MAST2: variants seen among roughly 807,000 people sequenced by gnomAD.
MAST2 encodes microtubule associated serine/threonine kinase 2.
In MAST2, 70 loss-of-function variants were observed where a neutral mutation model predicts 147.4. That is an observed-to-expected ratio of 0.47 (90% CI 0.39 to 0.58). MAST2 has a LOEUF of 0.58. Among genes scored for constraint, MAST2 ranks in the 20% least tolerant of loss-of-function variants. The pLI, the probability that MAST2 is intolerant of heterozygous loss-of-function variation, is 0.00. For synonymous variants in MAST2, 869 were observed against 896.8 expected, an observed-to-expected ratio of 0.97 and a Z score of 0.55; for missense variants, 2,080 against 2,302.3, an observed-to-expected ratio of 0.90 and a Z score of 1.98.
Position 46,031,270 on chromosome 1 carries a change from G to A in MAST2, c.2972G>A (p.Arg991Gln), listed in dbSNP as rs56114653. 5,751 of 1,535,692 alleles carry A rather than the reference G, an allele frequency of 3.7e-3. 21 individuals carry two copies. Among genetic ancestry groups the A allele is most frequent in the Non-Finnish European group, 4.7e-3 (5,313 of 1,137,888 alleles). The change falls in exon 23 of 29, where the codon CGG (arginine) becomes CAG (glutamine). Residue 991 changes from arginine to glutamine, a missense_variant. Physicochemically the swap from Arg to Gln is conservative, Grantham distance 43. Around this residue, in one of 4 missense-constraint regions of MAST2, gnomAD observed 1,278 missense variants for 1,304.2 expected, o/e 0.98. Transcript: ENST00000361297. This position sits in a 1 kb window ranked among gnomAD's most constrained non-coding sequence, Gnocchi z 4.1. ...RPKLDEEAVG[R>Q]SSGSSPAMET... is the part of the protein sequence containing the mutation. Reference sequence around the variant, plus strand: ...AAGCTGGATGAGGAAGCTGTTGGCCGGAGCAGTGGTTCCAGTCCAGGTATG... The same window carrying A: ...AAGCTGGATGAGGAAGCTGTTGGCCAGAGCAGTGGTTCCAGTCCAGGTATG...
At chr1:45,976,794 A>C (rs553079407) in intron 5 of MAST2, among the ~76,000 whole-genome samples, 1 of 152,356 alleles carries the variant, frequency 6.6e-6, no homozygotes, top group South Asian at 2.1e-4. Flanking sequence ...TAAGAGATTA[A>C]ATCAGTGGCA....
intron 3 of MAST2, among the ~76,000 whole-genome samples, chr1:45,833,248 G>T (rs953107742): frequency 5.9e-5 from 9 of 151,970 alleles, no homozygotes; most frequent in Non-Finnish European, 1.5e-5. Context: ...TTATCTGAGG[G>T]CTTATTTTTC....
intron 3 of MAST2, among the ~76,000 whole-genome samples, chr1:45,861,010 G>A (rs1645963923): frequency 6.6e-6 from 1 of 152,056 alleles, no homozygotes; most frequent in African/African-American, 2.4e-5. Context: ...CACTAAAATC[G>A]TAACTCTAGG....
At chr1:45,982,212 A>G (rs1039758471) in intron 5 of MAST2, among the ~76,000 whole-genome samples, 1 of 152,192 alleles carries the variant, frequency 6.6e-6, no homozygotes, top group Admixed American at 6.5e-5. Flanking sequence ...TAAAAGTAGC[A>G]CACATTTTTA....
chr1:45,815,769 C>T (rs140595199), intron 1 of MAST2, among the ~76,000 whole-genome samples: 8 of 152,268 alleles, frequency 5.3e-5, no homozygotes, highest in African/African-American at 1.9e-4. Context: ...CCAAGTTCAG[C>T]TGAGGAAAGT....
Position 46,030,133 on chromosome 1 carries a change from C to T in MAST2, c.2448C>T (p.Arg816=), listed in dbSNP as rs775821590. The T allele has an allele frequency of 6.2e-7, 1 of 1,614,224 alleles. No individual in the cohort carries two copies. Among genetic ancestry groups the T allele is most frequent in the South Asian group, 1.1e-5 (1 of 91,082 alleles). The part of the protein sequence containing the change: ...SEDDTSYFDT[R]SERYHHMDSE... ...TGTCCTTTATGTCTGGCCCAGCCCGCTCAGAGCGATACCACCACATGGACT... is the reference window on the plus strand; with the variant it reads ...TGTCCTTTATGTCTGGCCCAGCCCGTTCAGAGCGATACCACCACATGGACT... Residue 816 remains arginine, a synonymous_variant, in exon 21 of 29, where the codon CGC becomes CGT. Coordinates refer to ENST00000361297, the MANE Select transcript of MAST2 (RefSeq NM_015112.3).
intron 4 of MAST2, among the ~76,000 whole-genome samples, chr1:45,887,020 G>T (rs1200191894): frequency 6.6e-6 from 1 of 152,114 alleles, no homozygotes; most frequent in African/African-American, 2.4e-5. Context: ...TAGAGATGGG[G>T]TTTCACTATG....
chr1:45,817,717 C>T (rs1170993527), intron 1 of MAST2, among the ~76,000 whole-genome samples: 1 of 150,754 alleles, frequency 6.6e-6, no homozygotes, highest in Admixed American at 6.6e-5. Flanking sequence ...GTATAAACGA[C>T]TCATATCATG....
intron 4 of MAST2, among the ~76,000 whole-genome samples, chr1:45,933,769 AAGTG>A (rs1009961042): frequency 4.6e-5 from 7 of 152,056 alleles, no homozygotes; most frequent in Admixed American, 3.3e-4. Flanking sequence ...AAAAAAGAGA[AAGTG>A]AGAACTCTGA....
chr1:45,841,952 T>G (rs1454903510), intron 3 of MAST2, among the ~76,000 whole-genome samples: 1 of 152,194 alleles, frequency 6.6e-6, no homozygotes, highest in Non-Finnish European at 1.5e-5. Context: ...GTATAGAAAT[T>G]CTAGTTACTT....
chr1:46,027,319 C>G (rs1029653559), intron 16 of MAST2, among the ~76,000 whole-genome samples: 1 of 152,188 alleles, frequency 6.6e-6, no homozygotes, highest in East Asian at 1.9e-4. Flanking sequence ...TGTGTGCCCC[C>G]TGCCCCTCTC....
Position 45,997,817 on chromosome 1 carries a change from C to T in MAST2, c.668+18C>T. On this transcript the variant is annotated intron_variant, in intron 6 of 28. Coordinates refer to ENST00000361297, the MANE Select transcript of MAST2 (RefSeq NM_015112.3). ...GCCCGTAGGTAAGTTGATAGGAAACCTCCTCTGGGACCAGCACATGTGGCA... is the reference window on the plus strand; with the variant it reads ...GCCCGTAGGTAAGTTGATAGGAAACTTCCTCTGGGACCAGCACATGTGGCA... 1 of 1,608,520 alleles carries T rather than the reference C, an allele frequency of 6.2e-7. No homozygotes were observed. Among genetic ancestry groups the T allele is most frequent in the South Asian group, 1.1e-5 (1 of 90,984 alleles).
At chr1:45,995,219 C>T (rs886158130) in intron 5 of MAST2, among the ~76,000 whole-genome samples, 2 of 152,162 alleles carry the variant, frequency 1.3e-5, no homozygotes, top group Non-Finnish European at 2.9e-5. Context: ...TAATCCTTGT[C>T]TTTGTTCCTC....
chr1:45,896,450 G>A (rs532817165), intron 4 of MAST2, among the ~76,000 whole-genome samples: 93 of 152,268 alleles, frequency 6.1e-4, no homozygotes, highest in East Asian at 1.5e-3. Context: ...CTCCCCAGCC[G>A]TGTCACTTCA....
At chr1:46,008,406 C>T (rs1321055553) in intron 9 of MAST2, 35 bp downstream of exon 9, 1 of 1,493,502 alleles carries the variant, frequency 6.7e-7, no homozygotes, top group Non-Finnish European at 9.3e-7. Context: ...TGGCAATACC[C>T]CTCCGGGTGG....
chr1:45,821,515 CTTTTTTT>C (rs59159342), intron 1 of MAST2, among the ~76,000 whole-genome samples: 4 of 70,922 alleles, frequency 5.6e-5, no homozygotes, highest in Admixed American at 1.8e-4. Context: ...GTTATTTCTT[CTTTTTTT>C]TTTTTTTTTT....
At chr1:45,931,269 T>C (rs1308492191) in intron 4 of MAST2, among the ~76,000 whole-genome samples, 1 of 152,198 alleles carries the variant, frequency 6.6e-6, no homozygotes, top group Non-Finnish European at 1.5e-5. Flanking sequence ...CAGACCAGTT[T>C]ATTTGATAGG....
intron 5 of MAST2, among the ~76,000 whole-genome samples, chr1:45,994,641 T>A (rs895691002): frequency 2.6e-5 from 4 of 152,062 alleles, no homozygotes; most frequent in Non-Finnish European, 4.4e-5. Context: ...GTGTGGCCAG[T>A]CCCCATCCTG....
At chr1:46,033,662 A>G (rs1434223127) in intron 26 of MAST2, 140 bp from the exon 27 acceptor site, 2 of 1,086,090 alleles carry the variant, frequency 1.8e-6, no homozygotes, top group Non-Finnish European at 2.7e-6. Flanking sequence ...ACAATAATAT[A>G]GGCCTGTGGT....
Sources: allele counts gnomAD v4.1 joint callset (sites outside exome capture counted in the v4.1 genomes callset), GRCh38; gene constraint gnomAD v4.1.1; regional missense constraint gnomAD v4.1.1; non-coding constraint Gnocchi (gnomAD v3.1); transcripts MANE v1.5; gene names NCBI Gene and HGNC (gene_info 2026-07-23, HGNC 2026-07-21).